The following TNKS variants were observed in gnomAD, a reference collection of about 807,000 sequenced individuals.
TNKS encodes poly [ADP-ribose] polymerase tankyrase-1.
A neutral mutation model predicts 135.8 loss-of-function variants in TNKS; 72 were observed. The observed-to-expected ratio is 0.53, with a 90% confidence interval of 0.44 to 0.64. The LOEUF (loss-of-function observed/expected upper bound fraction) is 0.64, where lower values mean the gene tolerates loss of function less well. Ranked by LOEUF, TNKS falls within the 30% of genes least tolerant of loss-of-function variation. The pLI, the probability that TNKS is intolerant of heterozygous loss-of-function variation, is 0.00. For missense variants in TNKS, 1,769 were observed against 1,674.0 expected, an observed-to-expected ratio of 1.06 and a Z score of -0.99; for synonymous variants, 849 against 649.3, an observed-to-expected ratio of 1.31 and a Z score of -4.68.
intron 3 of TNKS, among the ~76,000 whole-genome samples, chr8:9,644,956 A>G (rs1180170587): frequency 6.6e-6 from 1 of 152,162 alleles, no homozygotes; most frequent in East Asian, 1.9e-4. Flanking sequence ...GGCCAATGTA[A>G]GTCTTCTGAG....
chr8:9,571,299 C>G (rs1372041176), intron 1 of TNKS, among the ~76,000 whole-genome samples: 1 of 152,112 alleles, frequency 6.6e-6, no homozygotes, highest in East Asian at 1.9e-4. Flanking sequence ...TATCTAAGTT[C>G]ACATAGCAGA....
At chr8:9,570,317 T>A (rs1414399730) in intron 1 of TNKS, among the ~76,000 whole-genome samples, 2 of 152,118 alleles carry the variant, frequency 1.3e-5, no homozygotes, top group Admixed American at 1.3e-4. Flanking sequence ...GTGCTGTACC[T>A]GTATTGACTG....
In TNKS at chr8:9,776,871, T is replaced by C. The variant is rs1470418789; in HGVS notation, c.*135T>C. The C allele has an allele frequency of 2.6e-6, 2 of 774,962 alleles. No individual in the cohort carries two copies. Among genetic ancestry groups the C allele is most frequent in the East Asian group, 2.7e-5 (1 of 37,514 alleles). 48.0% of individuals were successfully genotyped at this position (774,962 alleles called of 1,614,324 possible). ...TAAGCTGTTTGTCTTCTATAAAGCA[T>C]TGCTATAGTGATGAATAGTATGAGT... On this transcript the variant is annotated 3_prime_UTR_variant, in exon 27 of 27. Transcript: ENST00000310430.
chr8:9,619,436 C>G (rs899225140), intron 3 of TNKS, among the ~76,000 whole-genome samples: 2 of 152,028 alleles, frequency 1.3e-5, no homozygotes, highest in Non-Finnish European at 2.9e-5. Context: ...GATAGATAAC[C>G]AAAGGAATGT....
chr8:9,677,254 C>T (rs867727009), intron 3 of TNKS, among the ~76,000 whole-genome samples: 1 of 152,274 alleles, frequency 6.6e-6, no homozygotes, highest in South Asian at 2.1e-4. Flanking sequence ...ATTTGTAATA[C>T]CTGTGTCTGA....
At chr8:9,759,640 T>G (rs1807035909) in intron 20 of TNKS, among the ~76,000 whole-genome samples, 1 of 152,194 alleles carries the variant, frequency 6.6e-6, no homozygotes. Flanking sequence ...TGGCCTGGTG[T>G]CTGCTTCCTC....
At chr8:9,634,922 A>G (rs1333756386) in intron 3 of TNKS, among the ~76,000 whole-genome samples, 3 of 152,186 alleles carry the variant, frequency 2.0e-5, no homozygotes, top group African/African-American at 7.2e-5. Context: ...TCACTCCTGT[A>G]ATCCCGGCAC....
chr8:9,574,778 G>A (rs1797880662), intron 1 of TNKS, among the ~76,000 whole-genome samples: 4 of 152,130 alleles, frequency 2.6e-5, no homozygotes, highest in Non-Finnish European at 5.9e-5. Context: ...TAGCTGGACA[G>A]ATGACACATT....
At chr8:9,718,376 A>C (rs929952170) in intron 11 of TNKS, among the ~76,000 whole-genome samples, 3 of 152,200 alleles carry the variant, frequency 2.0e-5, no homozygotes, top group African/African-American at 4.8e-5. Context: ...TGATGTAGAC[A>C]ATGATAGCTT....
At chr8:9,586,722 C>T (rs1007824487) in intron 2 of TNKS, among the ~76,000 whole-genome samples, 3 of 143,210 alleles carry the variant, frequency 2.1e-5, no homozygotes, top group African/African-American at 7.7e-5. Context: ...ATATCTAAAA[C>T]GTGTGTGTGT....
At position 9,776,757 on chromosome 8, in the gene TNKS, C is replaced by G. The variant is rs1334017419; in HGVS notation, c.*21C>G. ...CCTAGTGAATGCCTGCTGGTGAAGG[C>G]CAGATCAGATTTCAACCTGGGACTG... On this transcript the variant is annotated 3_prime_UTR_variant, in exon 27 of 27. Transcript: ENST00000310430. 1.9e-6 allele frequency: 3 copies of G among 1,609,418 alleles called. No individual in the cohort carries two copies. In the South Asian group the frequency reaches 3.3e-5, roughly 18 times the overall value.
At chr8:9,576,952 T>C (rs1169368565) in intron 1 of TNKS, among the ~76,000 whole-genome samples, 1 of 152,188 alleles carries the variant, frequency 6.6e-6, no homozygotes, top group Non-Finnish European at 1.5e-5. Context: ...TTGAAAAGTA[T>C]ATAATTTGCA....
At chr8:9,646,331 A>G (rs1256818427) in intron 3 of TNKS, among the ~76,000 whole-genome samples, 1 of 152,056 alleles carries the variant, frequency 6.6e-6, no homozygotes, top group Non-Finnish European at 1.5e-5. Flanking sequence ...CCTGCAATAT[A>G]TTAAATATAA....
chr8:9,671,630 GC>G lies in TNKS; in HGVS notation c.995-8319del, dbSNP rs375371599. Among the ~76,000 whole-genome samples, 65 of 152,232 alleles carry G rather than the reference GC, an allele frequency of 4.3e-4. No individual in the cohort carries two copies. In the East Asian group the frequency reaches 0.011, roughly 25 times the overall value. Reference sequence around the variant, plus strand: ...GGAGTAGGCGATTGATTTCAGAGGGGCCTGACTTTTTGGTGTGATAGAAATG... The same window carrying G: ...GGAGTAGGCGATTGATTTCAGAGGGGCTGACTTTTTGGTGTGATAGAAATG... On this transcript the variant is annotated intron_variant, in intron 3 of 26. Transcript: ENST00000310430.
chr8:9,686,686 A>G (rs1314740043), intron 5 of TNKS, among the ~76,000 whole-genome samples: 4 of 152,152 alleles, frequency 2.6e-5, no homozygotes, highest in Non-Finnish European at 4.4e-5. Context: ...ATATCTTACA[A>G]TTTAAGTATT....
chr8:9,581,734 G>T (rs1018494474), intron 2 of TNKS, among the ~76,000 whole-genome samples: 1 of 152,058 alleles, frequency 6.6e-6, no homozygotes, highest in Non-Finnish European at 1.5e-5. Context: ...TCCTTTCCAG[G>T]CTTCAGTCTT....
intron 24 of TNKS, 149 bp downstream of exon 24, chr8:9,765,946 C>T (rs1482643098): frequency 1.5e-6 from 1 of 666,612 alleles, no homozygotes; most frequent in African/African-American, 1.8e-5. Flanking sequence ...TTCTTGGTAC[C>T]AGCTTTCTAA....
At chr8:9,749,657 T>C (rs1806415549) in intron 18 of TNKS, among the ~76,000 whole-genome samples, 1 of 151,978 alleles carries the variant, frequency 6.6e-6, no homozygotes, top group Non-Finnish European at 1.5e-5. Flanking sequence ...TTGTTTTTAC[T>C]TTTTGTAGAG....
chr8:9,566,036 A>C (rs148285642), intron 1 of TNKS, among the ~76,000 whole-genome samples: 399 of 152,244 alleles, frequency 2.6e-3, no homozygotes, highest in African/African-American at 9.3e-3. Context: ...TGATGCCCTC[A>C]TTCTGATAAT....
Sources: allele counts gnomAD v4.1 joint callset (sites outside exome capture counted in the v4.1 genomes callset), GRCh38; gene constraint gnomAD v4.1.1; transcripts MANE v1.5; gene names NCBI Gene and HGNC (gene_info 2026-07-23, HGNC 2026-07-21).